Variants in ELP4 observed in about 807,000 individuals in gnomAD.
ELP4 encodes elongator complex protein 4.
In ELP4, 51 loss-of-function variants were observed where a neutral mutation model predicts 48.9. The observed-to-expected ratio is 1.04, with a 90% CI of 0.83 to 1.32. The LOEUF is 1.32. ELP4 is among the 40% of genes most tolerant of loss of function. The pLI is 0.00. For synonymous variants in ELP4, 210 were observed against 189.2 expected, an observed-to-expected ratio of 1.11 and a Z score of -0.90; for missense variants, 519 against 514.6, an observed-to-expected ratio of 1.01 and a Z score of -0.08.
chr11:31,787,361 T>C lies in ELP4; in HGVS notation c.*3837T>C, dbSNP rs1948727659. ...ACTCCTTTTCTCCCATTCCCACCTCTTGCACCTGGCGTGCGACATCCGGGT... is the reference window on the plus strand; with the variant it reads ...ACTCCTTTTCTCCCATTCCCACCTCCTGCACCTGGCGTGCGACATCCGGGT... On this transcript the variant is annotated 3_prime_UTR_variant, in exon 10 of 10. Transcript: ENST00000640961. 1 of 233,446 alleles carries C rather than the reference T, an allele frequency of 4.3e-6. No individual in the cohort carries two copies. The highest frequency in any genetic ancestry group is 8.5e-6 in the Non-Finnish European group (1 of 118,176). The allele number at this position is 233,446 out of a possible 1,614,324, so 14.5% of individuals were successfully genotyped here.
chr11:31,522,520 G>A (rs1053382287), intron 2 of ELP4, among the ~76,000 whole-genome samples: 1 of 152,142 alleles, frequency 6.6e-6, no homozygotes, highest in Non-Finnish European at 1.5e-5. Flanking sequence ...TTATATAGAT[G>A]TGCCATAATT....
chr11:31,692,121 A>T (rs1352133795), intron 9 of ELP4, among the ~76,000 whole-genome samples: 1 of 152,172 alleles, frequency 6.6e-6, no homozygotes, highest in Admixed American at 6.6e-5. Flanking sequence ...AAAGAAATCT[A>T]ACAATACTGG....
At chr11:31,689,616 C>A (rs1219052584) in intron 9 of ELP4, among the ~76,000 whole-genome samples, 1 of 152,004 alleles carries the variant, frequency 6.6e-6, no homozygotes, top group East Asian at 1.9e-4. Context: ...CTGCCCAACT[C>A]CTTGCTTATG....
At chr11:31,566,137 T>C (rs980537253) in intron 3 of ELP4, among the ~76,000 whole-genome samples, 3 of 152,024 alleles carry the variant, frequency 2.0e-5, no homozygotes, top group Non-Finnish European at 2.9e-5. Context: ...GCGGTTAGAT[T>C]GCCTGAGCTC....
At chr11:31,674,179 T>C (rs1439015432) in intron 9 of ELP4, among the ~76,000 whole-genome samples, 1 of 152,216 alleles carries the variant, frequency 6.6e-6, no homozygotes, top group African/African-American at 2.4e-5. Context: ...AAGTGAACAA[T>C]AGACAAAATC....
intron 4 of ELP4, among the ~76,000 whole-genome samples, chr11:31,603,516 T>G (rs61281157): frequency 0.018 from 2,700 of 151,852 alleles, 82 homozygotes; most frequent in African/African-American, 0.062. Context: ...GGTTTGTAAA[T>G]TCTTGTCAAA....
In ELP4 at chr11:31,789,705, G is replaced by C. The variant is rs1220353536; in HGVS notation, c.*6181G>C. The C allele has an allele frequency of 1.1e-5, 8 of 702,780 alleles. No individual in the cohort carries two copies. The highest frequency in any genetic ancestry group is 1.0e-4 in the South Asian group (7 of 67,220). 43.5% of individuals were successfully genotyped at this position (702,780 alleles called of 1,614,324 possible). A position where few individuals can be genotyped will look rare whatever the true frequency, so the allele number is the denominator to read the frequency against. ...ATACACCAAAATGAATAAAAGTTTG[G>C]ATACCAAAATGAAGATTTGTTCCAA... On this transcript the variant is annotated 3_prime_UTR_variant, in exon 10 of 10. Coordinates refer to ENST00000640961, the MANE Select transcript of ELP4 (RefSeq NM_019040.5).
At chr11:31,762,735 G>C (rs1022914895) in intron 9 of ELP4, among the ~76,000 whole-genome samples, 1 of 151,258 alleles carries the variant, frequency 6.6e-6, no homozygotes, top group Non-Finnish European at 1.5e-5. Flanking sequence ...ATATTAATTT[G>C]CCATATAGTT....
chr11:31,529,386 C>T (rs926113848), intron 2 of ELP4, among the ~76,000 whole-genome samples: 6 of 152,228 alleles, frequency 3.9e-5, no homozygotes, highest in South Asian at 2.1e-4. Context: ...TCTCCACCAC[C>T]GTCACTGCTG....
chr11:31,739,778 C>G (rs900895582), intron 9 of ELP4, among the ~76,000 whole-genome samples: 1 of 152,162 alleles, frequency 6.6e-6, no homozygotes, highest in Non-Finnish European at 1.5e-5. Flanking sequence ...TCCTCTCAAG[C>G]ACAAAGCAAG....
intron 9 of ELP4, among the ~76,000 whole-genome samples, chr11:31,671,217 T>C (rs1156994612): frequency 6.6e-6 from 1 of 152,204 alleles, no homozygotes; most frequent in African/African-American, 2.4e-5. Context: ...CATTTATACG[T>C]TGAATCACAA....
chr11:31,547,575 C>T (rs1956753953), intron 3 of ELP4, among the ~76,000 whole-genome samples: 2 of 152,092 alleles, frequency 1.3e-5, no homozygotes, highest in Admixed American at 6.5e-5. Context: ...GAACTGGTAC[C>T]ATTCCTTCTG....
intron 5 of ELP4, among the ~76,000 whole-genome samples, chr11:31,608,789 G>C (rs1461619305): frequency 6.6e-6 from 1 of 152,140 alleles, no homozygotes; most frequent in Non-Finnish European, 1.5e-5. Flanking sequence ...ATTCAGTAGC[G>C]TGTCGATGTG....
intron 9 of ELP4, among the ~76,000 whole-genome samples, chr11:31,712,415 T>G (rs1373860855): frequency 6.6e-6 from 1 of 152,142 alleles, no homozygotes; most frequent in Non-Finnish European, 1.5e-5. Flanking sequence ...GAGGTAAGTT[T>G]GAGAGCAACC....
At chr11:31,631,433 G>A (rs1944859039) in intron 6 of ELP4, among the ~76,000 whole-genome samples, 1 of 152,056 alleles carries the variant, frequency 6.6e-6, no homozygotes, top group Non-Finnish European at 1.5e-5. Context: ...CTTTTGCCCA[G>A]AAATTTTGCT....
At chr11:31,576,326 C>G (rs1237771109) in intron 3 of ELP4, among the ~76,000 whole-genome samples, 1 of 152,108 alleles carries the variant, frequency 6.6e-6, no homozygotes, top group African/African-American at 2.4e-5. Context: ...ACTTAGACTC[C>G]CACACAATAA....
chr11:31,657,489 A>C (rs1236054952), intron 9 of ELP4, among the ~76,000 whole-genome samples: 1 of 152,038 alleles, frequency 6.6e-6, no homozygotes, highest in Admixed American at 6.6e-5. Context: ...TTTGCAGCTA[A>C]ATCCTGAGTA....
chr11:31,632,269 T>A lies in ELP4; in HGVS notation c.791T>A (p.Leu264Ter), dbSNP rs2134046341. Residue 264 changes from leucine to a stop codon, truncating the protein, a stop_gained, in exon 7 of 10, where the codon TTA becomes TAA. Transcript: ENST00000640961. LOFTEE classifies it high-confidence loss of function. The stretch of plus-strand genomic sequence containing the variant: ...GGAATTCAGAATCTTGGCTCACCTT[T>A]ATGGGGAGACGATATTTGCTGTGCA... ...RIGIQNLGSPLWGDDICCAEN... is the reference protein window; with the variant it reads ...RIGIQNLGSP The A allele has an allele frequency of 1.9e-6, 3 of 1,612,888 alleles. No individual in the cohort carries two copies. The East Asian group carries it at 6.7e-5, about 36-fold the overall frequency.
chr11:31,706,003 C>A (rs1034551316), intron 9 of ELP4, among the ~76,000 whole-genome samples: 11 of 152,064 alleles, frequency 7.2e-5, no homozygotes, highest in African/African-American at 2.4e-5. Flanking sequence ...CAGATGCACA[C>A]CACCACTCCT....
Sources: allele counts gnomAD v4.1 joint callset (sites outside exome capture counted in the v4.1 genomes callset), GRCh38; gene constraint gnomAD v4.1.1; transcripts MANE v1.5; gene names NCBI Gene and HGNC (gene_info 2026-07-23, HGNC 2026-07-21).